SLC9A4: variants seen among roughly 807,000 people sequenced by gnomAD.
SLC9A4 encodes solute carrier family 9 member A4, also known as sodium/hydrogen exchanger 4.
SLC9A4 carries 63 observed loss-of-function variants against 67.4 expected under a neutral mutation model. The observed-to-expected ratio is 0.93, with a 90% CI of 0.76 to 1.15. The LOEUF is 1.15. SLC9A4 is among the 50% of genes most tolerant of loss of function. SLC9A4 has a pLI of 0.00. For missense variants in SLC9A4, 1,089 were observed against 987.7 expected (o/e 1.10, Z -1.38); for synonymous variants, 393 against 367.2 (o/e 1.07, Z -0.80).
chr2:102,477,222 T>C (rs138738768), intron 1 of SLC9A4, among the ~76,000 whole-genome samples: 2 of 152,352 alleles, frequency 1.3e-5, no homozygotes, highest in African/African-American at 4.8e-5. Flanking sequence ...CAAAGGTTGC[T>C]CCAGCCAGGT....
chr2:102,485,680 G>C (rs1283366543), intron 2 of SLC9A4, among the ~76,000 whole-genome samples: 3 of 152,204 alleles, frequency 2.0e-5, no homozygotes, highest in African/African-American at 7.2e-5. Flanking sequence ...AGTGAATAAT[G>C]ATGAGGCGGC....
chr2:102,528,417 A>G (rs889243775), intron 11 of SLC9A4, among the ~76,000 whole-genome samples: 2 of 149,986 alleles, frequency 1.3e-5, no homozygotes, highest in Non-Finnish European at 3.0e-5. Flanking sequence ...TTTTTTTTTT[A>G]ATTTAAATTT....
Position 102,532,336 on chromosome 2 carries a change from A to G in SLC9A4, c.2045A>G (p.Asp682Gly). The change falls in exon 12 of 12, where the codon GAC (aspartate) becomes GGC (glycine). Residue 682 changes from aspartate (D) to glycine (G), a missense_variant. Transcript: ENST00000295269. ...TGCCATGATGTTTTCCTAGATGATG[A>G]CAGCAGTGATCCAGGATCCCCATCC... ...DTRAAGFSDDDSSDPGSPSIT... is the reference protein window; with the variant it reads ...DTRAAGFSDDGSSDPGSPSIT... The G allele has an allele frequency of 6.2e-7, 1 of 1,612,014 alleles. No homozygotes were observed. Among genetic ancestry groups the G allele is most frequent in the Non-Finnish European group, 8.5e-7 (1 of 1,178,696 alleles).
At chr2:102,479,413 G>A in intron 2 of SLC9A4, 111 bp downstream of exon 2, 1 of 1,160,522 alleles carries the variant, frequency 8.6e-7, no homozygotes, top group Non-Finnish European at 1.2e-6. Context: ...AGCAGGACAG[G>A]GATGAGCTTC....
rs1285254155 is a variant in SLC9A4 at position 102,526,262 on chromosome 2, G to A, written c.1954G>A (p.Gly652Ser). 12 of 1,613,342 alleles carry A rather than the reference G, an allele frequency of 7.4e-6. No homozygotes were observed. The highest frequency in any genetic ancestry group is 1.3e-5 in the African/African-American group (1 of 74,892). ...TCTTTCTACTTGCTACCCACAGGCT[G>A]GCACCAAGAATATCCGCTACCTCTC... is the stretch of plus-strand genomic sequence containing the variant. The part of the protein sequence containing the change: ...GHSLPWGKPA[G>S]TKNIRYLSYP... Residue 652 changes from glycine (G) to serine (S), a missense_variant, in exon 11 of 12, where the codon GGC (glycine) becomes AGC (serine). Coordinates refer to ENST00000295269, the MANE Select transcript of SLC9A4 (RefSeq NM_001011552.4).
At chr2:102,488,554 T>C (rs963565582) in intron 2 of SLC9A4, among the ~76,000 whole-genome samples, 2 of 150,912 alleles carry the variant, frequency 1.3e-5, no homozygotes, top group South Asian at 4.2e-4. Context: ...ATTCCTTTTT[T>C]TTTTTTTTTT....
At chr2:102,530,675 T>A (rs550621327) in intron 11 of SLC9A4, among the ~76,000 whole-genome samples, 23 of 152,292 alleles carry the variant, frequency 1.5e-4, no homozygotes, top group Non-Finnish European at 3.2e-4. Context: ...TCCAGGCCAT[T>A]GTTTCCTTAG....
Position 102,532,737 on chromosome 2 carries a change from C to T in SLC9A4, c.*49C>T. On this transcript the variant is annotated 3_prime_UTR_variant, in exon 12 of 12. Coordinates refer to ENST00000295269, the MANE Select transcript of SLC9A4 (RefSeq NM_001011552.4). ...TGGTGTTTCTCAAGAGTCTGTCTTC[C>T]TATAACTGTGAAAGGAGGATTTCTG... 2 of 1,528,024 alleles carry T rather than the reference C, an allele frequency of 1.3e-6. No individual in the cohort carries two copies. The highest frequency in any genetic ancestry group is 1.8e-6 in the Non-Finnish European group (2 of 1,125,954). The allele number at this position is 1,528,024 out of a possible 1,614,324, so 94.7% of individuals were successfully genotyped here. A position where few individuals can be genotyped will look rare whatever the true frequency, so the allele number is the denominator to read the frequency against.
chr2:102,533,917 A>T lies in SLC9A4; in HGVS notation c.*1229A>T, dbSNP rs1246804811. 4 of 151,256 alleles carry T rather than the reference A, an allele frequency of 2.6e-5. No individual in the cohort carries two copies. In the Middle Eastern group the frequency reaches 0.01, roughly 386 times the overall value. 9.4% of individuals were successfully genotyped at this position (151,256 alleles called of 1,614,324 possible). On this transcript the variant is annotated 3_prime_UTR_variant, in exon 12 of 12. Transcript: ENST00000295269. ...ATTGTTGGACATTTGGGTTGGTTCCAAGTCTTTGCTATTGTGAATAATGCC... is the reference window on the plus strand; with the variant it reads ...ATTGTTGGACATTTGGGTTGGTTCCTAGTCTTTGCTATTGTGAATAATGCC...
chr2:102,496,135 A>C (rs558803053), intron 2 of SLC9A4, among the ~76,000 whole-genome samples: 7 of 152,372 alleles, frequency 4.6e-5, no homozygotes, highest in South Asian at 4.1e-4. Flanking sequence ...CACAAAAGAC[A>C]TAGAGAATAT....
At chr2:102,515,288 C>T (rs1007859515) in intron 8 of SLC9A4, among the ~76,000 whole-genome samples, 3 of 151,660 alleles carry the variant, frequency 2.0e-5, no homozygotes, top group Non-Finnish European at 4.4e-5. Flanking sequence ...TGAGATAACA[C>T]CTTCATCCCT....
chr2:102,531,712 G>A (rs764358290), intron 11 of SLC9A4, among the ~76,000 whole-genome samples: 36 of 152,284 alleles, frequency 2.4e-4, no homozygotes, highest in Middle Eastern at 3.4e-3. Flanking sequence ...CACAGTGACA[G>A]GCATATAGTA....
chr2:102,486,794 G>A (rs968808665), intron 2 of SLC9A4, among the ~76,000 whole-genome samples: 1 of 152,220 alleles, frequency 6.6e-6, no homozygotes, highest in Non-Finnish European at 1.5e-5. Context: ...GCACAGGGCA[G>A]GTGATACACA....
Position 102,473,480 on chromosome 2 carries a change from T to C in SLC9A4, c.-280T>C, listed in dbSNP as rs1684263223. On this transcript the variant is annotated 5_prime_UTR_variant, in exon 1 of 12. An upstream start codon of the reference 5' UTR is lost. Transcript: ENST00000295269. ...ATAAATTGCTCAAGCCATGATTGGA[T>C]GGAGGTCCTCCAGGTAGCTCCATGG... The C allele has an allele frequency of 2.3e-6, 1 of 436,144 alleles. No individual in the cohort carries two copies. 27.0% of individuals were successfully genotyped at this position (436,144 alleles called of 1,614,324 possible).
At chr2:102,497,241 T>C (rs1333509805) in intron 2 of SLC9A4, among the ~76,000 whole-genome samples, 1 of 152,208 alleles carries the variant, frequency 6.6e-6, no homozygotes, top group Non-Finnish European at 1.5e-5. Context: ...CCTGACATGA[T>C]GACTTTGAAA....
chr2:102,508,798 G>T (rs1488469466), intron 5 of SLC9A4, 49 bp from the exon 6 acceptor site: 1 of 1,459,190 alleles, frequency 6.9e-7, no homozygotes, highest in Admixed American at 1.9e-5. Flanking sequence ...TCTCTCTAGT[G>T]ACAGTCTTCA....
chr2:102,510,387 C>G (rs1380075553), intron 6 of SLC9A4, among the ~76,000 whole-genome samples: 1 of 152,112 alleles, frequency 6.6e-6, no homozygotes, highest in African/African-American at 2.4e-5. Flanking sequence ...AGGGGACAGG[C>G]CATCCAGAAG....
intron 2 of SLC9A4, among the ~76,000 whole-genome samples, chr2:102,495,202 A>T (rs1346287308): frequency 6.6e-6 from 1 of 152,090 alleles, no homozygotes; most frequent in Non-Finnish European, 1.5e-5. Context: ...TTTGGAAATT[A>T]AAAAACAAAC....
intron 4 of SLC9A4, chr2:102,505,677 C>T: frequency 1.9e-6 from 1 of 527,836 alleles, no homozygotes; most frequent in Non-Finnish European, 3.3e-6. Context: ...TAAGGTTCTG[C>T]ATTGAAGCAA....
Sources: allele counts gnomAD v4.1 joint callset (sites outside exome capture counted in the v4.1 genomes callset), GRCh38; gene constraint gnomAD v4.1.1; transcripts MANE v1.5; gene names NCBI Gene and HGNC (gene_info 2026-07-23, HGNC 2026-07-21).